The following TAMM41 variants were observed in gnomAD, a reference collection of about 807,000 sequenced individuals.
TAMM41 encodes the protein TAM41 mitochondrial translocator assembly and maintenance homolog.
Under a neutral mutation model 44.1 loss-of-function variants are expected in TAMM41, and 36 were observed. The observed-to-expected ratio is 0.82, with a 90% confidence interval of 0.63 to 1.08. The LOEUF (loss-of-function observed/expected upper bound fraction) is 1.08, where lower values mean the gene tolerates loss of function less well. TAMM41 is among the 50% of genes least tolerant of loss of function. The pLI is 0.00. For synonymous variants in TAMM41, 164 were observed against 153.1 expected (o/e 1.07, Z -0.53); for missense variants, 417 against 404.3 (o/e 1.03, Z -0.27).
At chr3:11,727,873 G>A in the TAMM41 span, among the ~76,000 whole-genome samples, 5 of 147,862 alleles carry the variant, frequency 3.4e-5, no homozygotes, top group Admixed American at 1.4e-4. Flanking sequence ...AGCAACCTCC[G>A]CCTCCCGGGT....
At chr3:11,752,239 C>T in the TAMM41 span, among the ~76,000 whole-genome samples, 3 of 152,038 alleles carry the variant, frequency 2.0e-5, no homozygotes, top group Admixed American at 6.6e-5. Flanking sequence ...TGGACCTCGG[C>T]GGTGAGTGTT....
intron 7 of TAMM41, among the ~76,000 whole-genome samples, chr3:11,800,637 C>G (rs748147265): frequency 3.3e-5 from 5 of 150,570 alleles, no homozygotes; most frequent in Non-Finnish European, 4.4e-5. Context: ...AATATATATG[C>G]ACCCAACATA....
intron 7 of TAMM41, among the ~76,000 whole-genome samples, chr3:11,793,576 C>T (rs1475055192): frequency 6.6e-6 from 1 of 152,170 alleles, no homozygotes; most frequent in African/African-American, 2.4e-5. Flanking sequence ...TAGTCCCAAG[C>T]GGGAACAACC....
At chr3:11,797,862 A>C (rs904900183) in intron 7 of TAMM41, among the ~76,000 whole-genome samples, 1 of 152,244 alleles carries the variant, frequency 6.6e-6, no homozygotes, top group Non-Finnish European at 1.5e-5. Flanking sequence ...TTTCAAAGGA[A>C]GACATACATG....
chr3:11,768,548 TACTC>T, the TAMM41 span, among the ~76,000 whole-genome samples: 1 of 152,256 alleles, frequency 6.6e-6, no homozygotes, highest in African/African-American at 2.4e-5. Context: ...TGCAATTACA[TACTC>T]ACTCATTCAT....
At chr3:11,795,527 C>T (rs1342397757) in intron 7 of TAMM41, among the ~76,000 whole-genome samples, 1 of 152,186 alleles carries the variant, frequency 6.6e-6, no homozygotes, top group Admixed American at 6.5e-5. Context: ...ATTTGGTCTC[C>T]CTCGCAATAG....
At chr3:11,742,846 T>G in the TAMM41 span, among the ~76,000 whole-genome samples, 1 of 152,084 alleles carries the variant, frequency 6.6e-6, no homozygotes, top group African/African-American at 2.4e-5. Context: ...TCTTCCTGCC[T>G]TGGCCTCCCA....
the TAMM41 span, among the ~76,000 whole-genome samples, chr3:11,755,115 C>A: frequency 1.3e-5 from 2 of 150,892 alleles, no homozygotes; most frequent in African/African-American, 2.5e-5. Flanking sequence ...CAAATACAGG[C>A]CTCCCCTCCT....
chr3:11,845,821 C>T (rs550033927), intron 1 of TAMM41, among the ~76,000 whole-genome samples: 3 of 152,206 alleles, frequency 2.0e-5, no homozygotes, highest in Non-Finnish European at 4.4e-5. Context: ...TGTACCCTTA[C>T]TGAGGCTGTG....
chr3:11,815,919 C>A (rs978846201), intron 5 of TAMM41, among the ~76,000 whole-genome samples: 1 of 152,178 alleles, frequency 6.6e-6, no homozygotes, highest in Non-Finnish European at 1.5e-5. Context: ...CGGAACTGCT[C>A]TTTTTGTTAT....
Position 11,817,251 on chromosome 3 carries a change from CAT to C in TAMM41, c.647_648del (p.Tyr216TrpfsTer13). 1.2e-6 allele frequency: 2 copies of C among 1,613,568 alleles called. No individual in the cohort carries two copies. The highest frequency in any genetic ancestry group is 1.7e-6 in the Non-Finnish European group (2 of 1,179,560). On this transcript the variant is annotated frameshift_variant, in exon 5 of 8. Transcript: ENST00000455809. LOFTEE classifies it high-confidence loss of function. ...TGAGGATTTTCCTGTAGTATGCTGC[CAT>C]AGAGCTCTCGAAAGTGGGCTATATT... ...KPNIAHFREL[Y>X]GSILQENPQV...
chr3:11,829,954 T>C, intron 3 of TAMM41, 90 bp from the exon 4 acceptor site: 1 of 1,304,204 alleles, frequency 7.7e-7, no homozygotes, highest in Non-Finnish European at 1.1e-6. Context: ...TATCTCAAAC[T>C]CTCTTCCCAC....
intron 5 of TAMM41, among the ~76,000 whole-genome samples, chr3:11,810,604 C>G (rs1473128519): frequency 1.3e-5 from 2 of 152,128 alleles, no homozygotes; most frequent in Non-Finnish European, 2.9e-5. Flanking sequence ...GTCTTGTATC[C>G]TTTTAACAAA....
intron 4 of TAMM41, among the ~76,000 whole-genome samples, chr3:11,828,673 G>A (rs945514268): frequency 2.6e-5 from 4 of 152,318 alleles, no homozygotes; most frequent in South Asian, 2.1e-4. Context: ...AGGCTGCCAG[G>A]TGAAGCTGGA....
Position 11,808,517 on chromosome 3 carries a change from G to A in TAMM41, c.875-622C>T, listed in dbSNP as rs2077988103. The A allele has an allele frequency of 3.0e-6, 3 of 985,604 alleles. No individual in the cohort carries two copies. In the South Asian group the frequency reaches 1.4e-4, roughly 46 times the overall value. 61.1% of individuals were successfully genotyped at this position (985,604 alleles called of 1,614,324 possible). Reference sequence around the variant, plus strand: ...CCTGCTGCAGCTCATCCACTGCAGTGCGATGGTCTTTGCAAAGCATTACTG... The same window carrying A: ...CCTGCTGCAGCTCATCCACTGCAGTACGATGGTCTTTGCAAAGCATTACTG... On this transcript the variant is annotated intron_variant, in intron 6 of 7. Coordinates refer to ENST00000455809, the MANE Select transcript of TAMM41 (RefSeq NM_001284401.2).
chr3:11,732,002 T>G, the TAMM41 span, among the ~76,000 whole-genome samples: 2 of 151,824 alleles, frequency 1.3e-5, no homozygotes, highest in Non-Finnish European at 2.9e-5. Context: ...AAGTAGCTGG[T>G]ATTACAAGCA....
chr3:11,818,099 T>C (rs2078354673), intron 4 of TAMM41, among the ~76,000 whole-genome samples: 1 of 152,170 alleles, frequency 6.6e-6, no homozygotes, highest in Non-Finnish European at 1.5e-5. Context: ...TAATGTGAAA[T>C]CACAAGAGGC....
intron 7 of TAMM41, among the ~76,000 whole-genome samples, chr3:11,799,538 A>G (rs903894218): frequency 3.3e-5 from 5 of 152,204 alleles, no homozygotes; most frequent in African/African-American, 1.2e-4. Context: ...ATCACTTTCC[A>G]TGCTTTATGT....
intron 7 of TAMM41, among the ~76,000 whole-genome samples, chr3:11,798,263 C>T (rs530040012): frequency 7.9e-5 from 12 of 152,164 alleles, no homozygotes; most frequent in East Asian, 1.9e-4. Context: ...GCCCATCAAT[C>T]GTAGACTGCA....
Sources: gnomAD v4.1 joint callset for allele counts (sites outside exome capture counted in the v4.1 genomes callset) on GRCh38, gnomAD v4.1.1 for gene constraint, MANE v1.5 for transcripts, NCBI Gene and HGNC (gene_info 2026-07-23, HGNC 2026-07-21) for gene names.